The following PLD5 variants were observed in gnomAD, a reference collection of about 807,000 sequenced individuals.
The protein encoded by PLD5 is inactive phospholipase D5.
Under a neutral mutation model 61.1 loss-of-function variants are expected in PLD5, and 36 were observed. The ratio of observed to expected loss-of-function variants is 0.59; its 90% CI spans 0.45 to 0.78. The LOEUF (loss-of-function observed/expected upper bound fraction) is 0.78. Among genes scored for constraint, PLD5 ranks in the 30% least tolerant of loss-of-function variants. PLD5 has a pLI of 0.00. For missense variants in PLD5, 515 were observed against 644.4 expected (o/e 0.80, Z 2.17); for synonymous variants, 243 against 242.8 (o/e 1.00, Z -0.01).
chr1:242,105,246 CAG>C (rs1660961024), intron 8 of PLD5, among the ~76,000 whole-genome samples: 1 of 148,682 alleles, frequency 6.7e-6, no homozygotes, highest in Non-Finnish European at 1.5e-5. Flanking sequence ...CCTTCAGAGA[CAG>C]GGTCTTGCTC....
At chr1:242,111,175 G>A (rs12133410) in intron 7 of PLD5, among the ~76,000 whole-genome samples, 10,541 of 151,764 alleles carry the variant, frequency 0.069, 474 homozygotes, top group Middle Eastern at 0.17. Context: ...TCCTGTCTCA[G>A]CCTCCCGAGT....
At chr1:242,151,639 T>C (rs1418466647) in intron 5 of PLD5, among the ~76,000 whole-genome samples, 1 of 152,088 alleles carries the variant, frequency 6.6e-6, no homozygotes, top group Non-Finnish European at 1.5e-5. Context: ...CTTACTTGTT[T>C]GCTTTGTGTA....
At chr1:242,117,226 T>G (rs1392843347) in intron 6 of PLD5, among the ~76,000 whole-genome samples, 1 of 152,178 alleles carries the variant, frequency 6.6e-6, no homozygotes, top group Non-Finnish European at 1.5e-5. Context: ...TGACCCCAAA[T>G]GCAAGTAATT....
At chr1:242,264,703 T>C (rs1673557249) in intron 4 of PLD5, among the ~76,000 whole-genome samples, 2 of 152,118 alleles carry the variant, frequency 1.3e-5, no homozygotes, top group South Asian at 4.2e-4. Flanking sequence ...AGGCTTACAG[T>C]TTGGATAATA....
At chr1:242,511,085 G>A (rs187346762) in intron 1 of PLD5, among the ~76,000 whole-genome samples, 238 of 152,168 alleles carry the variant, frequency 1.6e-3, no homozygotes, top group African/African-American at 5.4e-3. Flanking sequence ...ACAGCATAAG[G>A]AAGTTCCCCC....
chr1:242,492,377 C>T (rs9919232), intron 1 of PLD5, among the ~76,000 whole-genome samples: 12 of 151,696 alleles, frequency 7.9e-5, no homozygotes, highest in African/African-American at 2.7e-4. Context: ...TAAAAATTAG[C>T]TGGGCATGGT....
At chr1:242,495,525 G>T (rs1033932826) in intron 1 of PLD5, among the ~76,000 whole-genome samples, 5 of 152,000 alleles carry the variant, frequency 3.3e-5, no homozygotes, top group Non-Finnish European at 1.5e-5. Flanking sequence ...GAAATAATAT[G>T]TTCAATGTTA....
chr1:242,486,620 A>C (rs1203844070), intron 1 of PLD5, among the ~76,000 whole-genome samples: 1 of 152,210 alleles, frequency 6.6e-6, no homozygotes, highest in Non-Finnish European at 1.5e-5. Context: ...CTGAGACTGT[A>C]AACTAGTTCA....
chr1:242,450,622 G>C (rs1054981418), intron 1 of PLD5, among the ~76,000 whole-genome samples: 2 of 152,120 alleles, frequency 1.3e-5, no homozygotes, highest in Non-Finnish European at 2.9e-5. Context: ...TTGTTCTAGA[G>C]CAAATTCATC....
intron 1 of PLD5, among the ~76,000 whole-genome samples, chr1:242,483,212 T>G (rs1413730282): frequency 4.6e-5 from 7 of 152,214 alleles, no homozygotes; most frequent in Non-Finnish European, 5.9e-5. Context: ...ATAACAATAT[T>G]AACCTTAAAT....
intron 3 of PLD5, among the ~76,000 whole-genome samples, chr1:242,273,180 T>G (rs1296818585): frequency 6.6e-6 from 1 of 151,836 alleles, no homozygotes; most frequent in African/African-American, 2.4e-5. Context: ...TGTGGTGTTT[T>G]GTTTTCTGTT....
intron 1 of PLD5, among the ~76,000 whole-genome samples, chr1:242,403,912 T>C (rs12410712): frequency 0.071 from 10,814 of 152,290 alleles, 534 homozygotes; most frequent in Admixed American, 0.15. Context: ...TCCAATTCTA[T>C]GTATTATAAA....
chr1:242,394,477 T>TATATATGTGAACATATATATGA (rs1663270761), intron 1 of PLD5, among the ~76,000 whole-genome samples: 4 of 83,468 alleles, frequency 4.8e-5, no homozygotes, highest in East Asian at 3.1e-4. Flanking sequence ...CATATATATG[T>TATATATGTGAACATATATATGA]GTATATATGT....
At chr1:242,449,651 C>T (rs934499053) in intron 1 of PLD5, among the ~76,000 whole-genome samples, 5 of 152,194 alleles carry the variant, frequency 3.3e-5, no homozygotes, top group African/African-American at 1.2e-4. Context: ...CTGGGGACTG[C>T]TATGTTTAAT....
chr1:242,158,671 T>C (rs539590210), intron 5 of PLD5, among the ~76,000 whole-genome samples: 17 of 152,272 alleles, frequency 1.1e-4, no homozygotes, highest in African/African-American at 3.9e-4. Context: ...CCCAGTGAGA[T>C]GAAACAGGTA....
chr1:242,216,480 TTTACTCATGTGG>T (rs1358553547), intron 5 of PLD5, among the ~76,000 whole-genome samples: 1 of 152,224 alleles, frequency 6.6e-6, no homozygotes, highest in Non-Finnish European at 1.5e-5. Flanking sequence ...AAATGGCTTG[TTTACTCATGTGG>T]TCCTAAGACC....
At chr1:242,102,479 A>C (rs1660761134) in intron 8 of PLD5, among the ~76,000 whole-genome samples, 1 of 152,236 alleles carries the variant, frequency 6.6e-6, no homozygotes, top group Admixed American at 6.5e-5. Context: ...ATTTGTTAAA[A>C]AAAACTAAAA....
intron 4 of PLD5, among the ~76,000 whole-genome samples, chr1:242,233,572 C>CAGGG (rs1392181209): frequency 6.7e-6 from 1 of 149,756 alleles, no homozygotes; most frequent in Non-Finnish European, 1.5e-5. Flanking sequence ...GTGAGGGCGG[C>CAGGG]AGGGAGGGAG....
intron 9 of PLD5, among the ~76,000 whole-genome samples, chr1:242,090,355 T>C (rs971296520): frequency 2.0e-5 from 3 of 152,240 alleles, no homozygotes; most frequent in Non-Finnish European, 4.4e-5. Context: ...AAACAAGGAA[T>C]CTGCTGTTCT....
Sources: gnomAD v4.1 joint callset for allele counts (sites outside exome capture counted in the v4.1 genomes callset) on GRCh38, gnomAD v4.1.1 for gene constraint, MANE v1.5 for transcripts, NCBI Gene and HGNC (gene_info 2026-07-23, HGNC 2026-07-21) for gene names.